EXD3: variants seen among roughly 807,000 people sequenced by gnomAD.
EXD3 encodes the protein exonuclease 3'-5' domain containing 3, also known as exonuclease mut-7 homolog.
In EXD3, 92 loss-of-function variants were observed where a neutral mutation model predicts 98.0. The observed-to-expected ratio is 0.94, with a 90% CI of 0.79 to 1.12. The LOEUF (loss-of-function observed/expected upper bound fraction) is 1.12, where lower values mean the gene tolerates loss of function less well. EXD3 is among the 50% of genes most tolerant of loss of function. The probability of loss-of-function intolerance (pLI) is 0.00; values close to 1 mark genes in which losing one functional copy is unlikely to be tolerated. For synonymous variants in EXD3, 569 were observed against 526.0 expected (o/e 1.08, Z -1.12); for missense variants, 1,222 against 1,191.6 (o/e 1.03, Z -0.38).
At chr9:137,412,813 T>C (rs536094055) in intron 1 of EXD3, among the ~76,000 whole-genome samples, 1 of 152,342 alleles carries the variant, frequency 6.6e-6, no homozygotes, top group African/African-American at 2.4e-5. Context: ...AGGGTCTCAC[T>C]GTCGCCCAGG....
chr9:137,339,106 A>C (rs559015446), intron 17 of EXD3, among the ~76,000 whole-genome samples: 1 of 152,084 alleles, frequency 6.6e-6, no homozygotes, highest in African/African-American at 2.4e-5. Flanking sequence ...TAAATTACCA[A>C]ATGTGATCAA....
In EXD3 at chr9:137,385,120, C is replaced by A. The variant is rs537514356; in HGVS notation, c.56-1743G>T. 5.3e-5 allele frequency among the ~76,000 whole-genome samples: 8 copies of A among 152,156 alleles called. No homozygotes were observed. Among genetic ancestry groups the A allele is most frequent in the Non-Finnish European group, 1.0e-4 (7 of 68,038 alleles). ...CAAAAACCAAAAAACCATAAAACACCGTGGGGCGCCCAGGCTCCACCATGG... is the reference window on the plus strand; with the variant it reads ...CAAAAACCAAAAAACCATAAAACACAGTGGGGCGCCCAGGCTCCACCATGG... On this transcript the variant is annotated intron_variant, in intron 2 of 21. Coordinates refer to ENST00000340951, the MANE Select transcript of EXD3 (RefSeq NM_017820.5). The surrounding 1 kb of genome is among the most constrained non-coding windows in gnomAD (Gnocchi z 4.4).
At chr9:137,327,872 T>C (rs1363073148) in intron 17 of EXD3, among the ~76,000 whole-genome samples, 1 of 132,534 alleles carries the variant, frequency 7.5e-6, no homozygotes, top group African/African-American at 3.0e-5. Flanking sequence ...ACATGATGAA[T>C]AAAAACAATG....
At chr9:137,358,147 A>G (rs1160276978) in intron 7 of EXD3, among the ~76,000 whole-genome samples, 2 of 152,154 alleles carry the variant, frequency 1.3e-5, no homozygotes, top group African/African-American at 4.8e-5. Context: ...TAACCATCCC[A>G]GTGTGTTAGT....
chr9:137,375,156 G>C (rs1167613335), intron 3 of EXD3, among the ~76,000 whole-genome samples: 4 of 152,128 alleles, frequency 2.6e-5, no homozygotes, highest in East Asian at 1.9e-4. Context: ...CTATAGGCGC[G>C]CGCCACCATG....
intron 8 of EXD3, among the ~76,000 whole-genome samples, chr9:137,355,124 G>C (rs1264533512): frequency 6.6e-6 from 1 of 152,220 alleles, no homozygotes; most frequent in African/African-American, 2.4e-5. Context: ...CTCGTGGACA[G>C]AGCCGGCTGC....
chr9:137,313,885 C>T (rs563530115), intron 19 of EXD3, among the ~76,000 whole-genome samples: 11 of 152,334 alleles, frequency 7.2e-5, no homozygotes, highest in South Asian at 2.1e-4. Context: ...ACCCACCACA[C>T]GAAAGGGTGC....
At chr9:137,337,721 T>C (rs1214161959) in intron 17 of EXD3, among the ~76,000 whole-genome samples, 1 of 149,208 alleles carries the variant, frequency 6.7e-6, no homozygotes, top group Admixed American at 6.7e-5. Context: ...TGTTGGGGGG[T>C]AGGTGGAGTG....
At chr9:137,329,114 G>A (rs868777962) in intron 17 of EXD3, among the ~76,000 whole-genome samples, 3 of 13,330 alleles carry the variant, frequency 2.3e-4, no homozygotes, top group Non-Finnish European at 1.3e-4. Context: ...GCTACACGGG[G>A]CTACACGGGG....
In EXD3 at chr9:137,403,233, G is replaced by A. The variant is rs1309962197; in HGVS notation, c.-47-7829C>T. Among the ~76,000 whole-genome samples the A allele has an allele frequency of 6.6e-6, 1 of 151,856 alleles. No homozygotes were observed. The highest frequency in any genetic ancestry group is 1.5e-5 in the Non-Finnish European group (1 of 67,980). ...TCATCTGCTTGGAAATGGGTTGGGG[G>A]CACCCCAGGAGTGGGGCCCCACTGT... On this transcript the variant is annotated intron_variant, in intron 1 of 21. Transcript: ENST00000340951. The surrounding 1 kb of genome is among the most constrained non-coding windows in gnomAD (Gnocchi z 6.1).
intron 7 of EXD3, among the ~76,000 whole-genome samples, chr9:137,362,355 T>C (rs367883206): frequency 2.6e-5 from 4 of 152,172 alleles, no homozygotes; most frequent in African/African-American, 7.2e-5. Flanking sequence ...TGGTTTAACA[T>C]AGAAACATTA....
At position 137,354,749 on chromosome 9, in the gene EXD3, T is replaced by A; in HGVS notation, c.782A>T (p.Gln261Leu). The A allele has an allele frequency of 6.2e-7, 1 of 1,610,690 alleles. No homozygotes were observed. The highest frequency in any genetic ancestry group is 8.5e-7 in the Non-Finnish European group (1 of 1,179,622). The change falls in exon 9 of 22, where the codon CAG becomes CTG. Residue 261 changes from glutamine (Q) to leucine (L), a missense_variant. Coordinates refer to ENST00000340951, the MANE Select transcript of EXD3 (RefSeq NM_017820.5). ...APALCPNAAIQQRLAALRHLC... is the reference protein window; with the variant it reads ...APALCPNAAILQRLAALRHLC... ...GTGCCGCAGGGCCGCCAGGCGCTGC[T>A]GAATGGCCGCGTTGGGACACAGCGC... is the stretch of plus-strand genomic sequence containing the variant.
intron 18 of EXD3, 106 bp downstream of exon 18, chr9:137,323,984 G>A: frequency 5.9e-6 from 9 of 1,529,036 alleles, no homozygotes; most frequent in Non-Finnish European, 7.1e-6. Flanking sequence ...AGAGGCGCTG[G>A]GGGTCGGCCC....
chr9:137,367,888 C>A (rs773850984), intron 6 of EXD3, 48 bp downstream of exon 6: 5 of 1,565,394 alleles, frequency 3.2e-6, no homozygotes, highest in Admixed American at 1.7e-5. Context: ...GAGACCTGGG[C>A]GTTATCCAAG....
At chr9:137,373,950 A>C (rs1835771090) in intron 3 of EXD3, among the ~76,000 whole-genome samples, 1 of 152,262 alleles carries the variant, frequency 6.6e-6, no homozygotes, top group South Asian at 2.1e-4. Context: ...GCCTGCCCTC[A>C]GCAGGCGAAA....
At chr9:137,318,932 C>G (rs77623824) in intron 19 of EXD3, among the ~76,000 whole-genome samples, 1 of 152,366 alleles carries the variant, frequency 6.6e-6, no homozygotes, top group Non-Finnish European at 1.5e-5. Context: ...ACCGTACCAC[C>G]CAGAGAGCAC....
intron 19 of EXD3, among the ~76,000 whole-genome samples, chr9:137,311,424 C>T (rs965185551): frequency 2.6e-5 from 4 of 152,242 alleles, no homozygotes; most frequent in African/African-American, 9.6e-5. Context: ...AGGGACAGTG[C>T]CAGTGGGTGT....
chr9:137,349,148 C>T lies in EXD3; in HGVS notation c.1792G>A (p.Gly598Ser), dbSNP rs898841972. The change falls in exon 16 of 22, where the codon GGC (glycine) becomes AGC (serine). Residue 598 changes from glycine to serine, a missense_variant. Transcript: ENST00000340951. The surrounding 1 kb of genome is among the most constrained non-coding windows in gnomAD (Gnocchi z 7.4). Reference sequence around the variant, plus strand: ...GCCGGTGCTGACGCTTTCTGCAGGCCGGGTGGCTTCCGTGCCCCTGGTCTC... The same window carrying T: ...GCCGGTGCTGACGCTTTCTGCAGGCTGGGTGGCTTCCGTGCCCCTGGTCTC... ...RERPGARKPP[G>S]LQKASAPAAP... 8.1e-6 allele frequency: 13 copies of T among 1,598,300 alleles called. No homozygotes were observed. The highest frequency in any genetic ancestry group is 1.1e-5 in the South Asian group (1 of 90,316).
Position 137,395,066 on chromosome 9 carries a change from C to A in EXD3, c.55+237G>T, listed in dbSNP as rs1837138622. Among the ~76,000 whole-genome samples the A allele has an allele frequency of 2.0e-5, 3 of 152,150 alleles. No individual in the cohort carries two copies. Among genetic ancestry groups the A allele is most frequent in the Admixed American group, 6.5e-5 (1 of 15,282 alleles). On this transcript the variant is annotated intron_variant, in intron 2 of 21. Transcript: ENST00000340951. This position sits in a 1 kb window ranked among gnomAD's most constrained non-coding sequence, Gnocchi z 6.5. ...TGTCACAGGCCCGGCGCCAGGCCAC[C>A]CACGCTGGGGCCCAAGGAGGCGGCC... is the stretch of plus-strand genomic sequence containing the variant.
Sources: gnomAD v4.1 joint callset for allele counts (sites outside exome capture counted in the v4.1 genomes callset) on GRCh38, gnomAD v4.1.1 for gene constraint, Gnocchi (gnomAD v3.1) non-coding constraint, MANE v1.5 for transcripts, NCBI Gene and HGNC (gene_info 2026-07-23, HGNC 2026-07-21) for gene names.